The following IMMP2L variants were observed in gnomAD, a reference collection of about 807,000 sequenced individuals.
IMMP2L encodes inner mitochondrial membrane peptidase subunit 2, also known as mitochondrial inner membrane protease subunit 2.
Under a neutral mutation model 19.3 loss-of-function variants are expected in IMMP2L, and 18 were observed. That is an observed-to-expected ratio of 0.93 (90% confidence interval 0.64 to 1.38). The LOEUF is 1.38. Among genes scored for constraint, IMMP2L ranks in the 40% most tolerant of loss-of-function variants. The pLI is 0.00. For missense variants in IMMP2L, 233 were observed against 218.2 expected (o/e 1.07, Z -0.43); for synonymous variants, 76 against 73.0 (o/e 1.04, Z -0.21).
At chr7:110,776,309 CTT>C (rs1422057079) in intron 5 of IMMP2L, among the ~76,000 whole-genome samples, 2 of 152,002 alleles carry the variant, frequency 1.3e-5, no homozygotes, top group Non-Finnish European at 2.9e-5. Flanking sequence ...TAAAAACAAT[CTT>C]TGATAAAAAT....
Position 111,207,688 on chromosome 7 carries a change from G to C in IMMP2L, c.240-244123C>G, listed in dbSNP as rs576413373. On this transcript the variant is annotated intron_variant, in intron 3 of 5. Coordinates refer to ENST00000405709, the MANE Select transcript of IMMP2L (RefSeq NM_032549.4). ...GTAGCTGGGACTACAGGTGCGCGCC[G>C]CCATGTCCAGCTAATTTTCATATTT... 2.6e-5 allele frequency among the ~76,000 whole-genome samples: 4 copies of C among 151,296 alleles called. No homozygotes were observed. The South Asian group carries it at 6.3e-4, about 24-fold the overall frequency.
intron 5 of IMMP2L, among the ~76,000 whole-genome samples, chr7:110,692,748 T>C (rs767507859): frequency 6.6e-6 from 1 of 152,164 alleles, no homozygotes; most frequent in Non-Finnish European, 1.5e-5. Context: ...TGAACCAGTG[T>C]GAAAACTGCT....
intron 5 of IMMP2L, among the ~76,000 whole-genome samples, chr7:110,808,407 G>A (rs1158059760): frequency 1.3e-5 from 2 of 151,986 alleles, no homozygotes; most frequent in Non-Finnish European, 2.9e-5. Context: ...GGAATCAAGA[G>A]TTTATTTATT....
At chr7:111,185,114 A>G (rs1158936105) in intron 3 of IMMP2L, among the ~76,000 whole-genome samples, 1 of 152,208 alleles carries the variant, frequency 6.6e-6, no homozygotes, top group East Asian at 1.9e-4. Context: ...CACTAGAAGG[A>G]GAAGCTTTGA....
At chr7:110,969,455 T>C (rs1563121589) in intron 3 of IMMP2L, among the ~76,000 whole-genome samples, 1 of 152,080 alleles carries the variant, frequency 6.6e-6, no homozygotes, top group East Asian at 1.9e-4. Flanking sequence ...GAAAATGATA[T>C]ATGTATATAC....
At chr7:111,293,528 C>T (rs1356810963) in intron 3 of IMMP2L, among the ~76,000 whole-genome samples, 1 of 151,688 alleles carries the variant, frequency 6.6e-6, no homozygotes, top group Non-Finnish European at 1.5e-5. Flanking sequence ...AAAAATATAA[C>T]TACTGTTTGA....
chr7:110,770,067 C>T (rs1304083688), intron 5 of IMMP2L, among the ~76,000 whole-genome samples: 2 of 152,106 alleles, frequency 1.3e-5, no homozygotes, highest in Non-Finnish European at 2.9e-5. Context: ...ACAACAGTAA[C>T]GATTATGTTA....
chr7:111,518,298 A>T (rs566115320), intron 2 of IMMP2L, among the ~76,000 whole-genome samples: 2 of 152,238 alleles, frequency 1.3e-5, no homozygotes, highest in Non-Finnish European at 2.9e-5. Context: ...TTGTTACTCA[A>T]AGTGAATTTC....
intron 3 of IMMP2L, among the ~76,000 whole-genome samples, chr7:111,438,311 T>C (rs1420498072): frequency 1.3e-5 from 2 of 151,896 alleles, no homozygotes; most frequent in Non-Finnish European, 2.9e-5. Context: ...TCCATTTTTA[T>C]GTTCTTAAAC....
rs1390075275 is a variant in IMMP2L at position 111,521,433 on chromosome 7, T to C, written c.15A>G (p.Gln5=). 1 of 1,611,082 alleles carries C rather than the reference T, an allele frequency of 6.2e-7. No homozygotes were observed. The stretch of plus-strand genomic sequence containing the variant: ...CCTTGATGTATCTTTTCACCCACCC[T>C]TGTGACTGTGCCATACCTAAAAATA... The part of the protein sequence containing the change: MAQS[Q]GWVKRYIKAF... Residue 5 remains glutamine, a synonymous_variant, in exon 2 of 6, where the codon CAA becomes CAG. Coordinates refer to ENST00000405709, the MANE Select transcript of IMMP2L (RefSeq NM_032549.4).
intron 3 of IMMP2L, among the ~76,000 whole-genome samples, chr7:111,045,940 A>C (rs2129571801): frequency 6.6e-6 from 1 of 152,360 alleles, no homozygotes; most frequent in South Asian, 2.1e-4. Context: ...AGATAAAAAT[A>C]CAGAACAAAA....
chr7:111,140,404 C>A (rs1802759844), intron 3 of IMMP2L, among the ~76,000 whole-genome samples: 1 of 152,060 alleles, frequency 6.6e-6, no homozygotes, highest in African/African-American at 2.4e-5. Flanking sequence ...CTTCCTGAGC[C>A]CAGGTGCATC....
chr7:110,903,879 C>A (rs1812176290), intron 4 of IMMP2L, among the ~76,000 whole-genome samples: 1 of 152,074 alleles, frequency 6.6e-6, no homozygotes, highest in Non-Finnish European at 1.5e-5. Context: ...CACGCCTTCA[C>A]CAATATTCAT....
chr7:111,157,931 C>T (rs1321216840), intron 3 of IMMP2L, among the ~76,000 whole-genome samples: 1 of 151,754 alleles, frequency 6.6e-6, no homozygotes, highest in Non-Finnish European at 1.5e-5. Context: ...ACAGTGAACA[C>T]ATTTTCTGGA....
At chr7:110,855,322 T>C (rs1806648922) in intron 5 of IMMP2L, among the ~76,000 whole-genome samples, 1 of 151,962 alleles carries the variant, frequency 6.6e-6, no homozygotes, top group Non-Finnish European at 1.5e-5. Flanking sequence ...ATGACTAAAA[T>C]GTTCAGGATG....
At chr7:111,324,411 G>A in intron 3 of IMMP2L, among the ~76,000 whole-genome samples, 1 of 151,876 alleles carries the variant, frequency 6.6e-6, no homozygotes. Context: ...GAGAGAGAAT[G>A]CATTAAGGAA....
chr7:111,259,941 C>A (rs1336694381), intron 3 of IMMP2L, among the ~76,000 whole-genome samples: 1 of 152,080 alleles, frequency 6.6e-6, no homozygotes, highest in African/African-American at 2.4e-5. Flanking sequence ...TCTTCTACCT[C>A]CACATCTTGT....
At chr7:111,389,460 T>A (rs1832119903) in intron 3 of IMMP2L, among the ~76,000 whole-genome samples, 1 of 152,048 alleles carries the variant, frequency 6.6e-6, no homozygotes, top group Non-Finnish European at 1.5e-5. Flanking sequence ...TAGGGAAATG[T>A]CCTTATTTTT....
chr7:110,986,754 T>C (rs75876089), intron 3 of IMMP2L, among the ~76,000 whole-genome samples: 1,889 of 151,910 alleles, frequency 0.012, 31 homozygotes, highest in African/African-American at 0.043. Context: ...TAAAACAAGA[T>C]CTTTAACACC....
Sources: gnomAD v4.1 joint callset for allele counts (sites outside exome capture counted in the v4.1 genomes callset) on GRCh38, gnomAD v4.1.1 for gene constraint, MANE v1.5 for transcripts, NCBI Gene and HGNC (gene_info 2026-07-23, HGNC 2026-07-21) for gene names.